ADGRG4: variants seen among roughly 807,000 people sequenced by gnomAD.
The protein encoded by ADGRG4 is adhesion G protein-coupled receptor G4.
Under a neutral mutation model 126.2 loss-of-function variants are expected in ADGRG4, and 122 were observed. That is an observed-to-expected ratio of 0.97 (90% CI 0.83 to 1.12). The LOEUF (loss-of-function observed/expected upper bound fraction) is 1.12, where lower values mean the gene tolerates loss of function less well. ADGRG4 is among the 50% of genes most tolerant of loss of function. The probability of loss-of-function intolerance (pLI) is 0.00; values close to 1 mark genes in which losing one functional copy is unlikely to be tolerated. For missense variants in ADGRG4, 2,481 were observed against 2,251.8 expected, an observed-to-expected ratio of 1.10 and a Z score of -2.06; for synonymous variants, 943 against 838.7, an observed-to-expected ratio of 1.12 and a Z score of -2.15.
intron 15 of ADGRG4, among the ~76,000 whole-genome samples, chrX:136,374,722 A>T (rs1247999088): frequency 1.8e-5 from 2 of 111,393 alleles, no homozygotes; most frequent in Non-Finnish European, 3.8e-5. Context: ...GAGCTACCTC[A>T]CCCGGCCTGT....
intron 16 of ADGRG4, among the ~76,000 whole-genome samples, chrX:136,390,342 G>A (rs960627404): frequency 5.4e-5 from 6 of 111,586 alleles, no homozygotes; most frequent in East Asian, 5.6e-4. Flanking sequence ...ATGAGCCACC[G>A]TGCCTGGTCC....
intron 25 of ADGRG4, among the ~76,000 whole-genome samples, chrX:136,414,873 T>C (rs2081121178): frequency 8.9e-6 from 1 of 112,264 alleles, no homozygotes; most frequent in African/African-American, 3.2e-5. Context: ...CACATCACTC[T>C]TAGATGCTGA....
chrX:136,383,395 A>T (rs1160210823), intron 15 of ADGRG4, among the ~76,000 whole-genome samples: 1 of 111,946 alleles, frequency 8.9e-6, no homozygotes, highest in Non-Finnish European at 1.9e-5. Context: ...ATTTATCATT[A>T]TTAAATACCC....
intron 1 of ADGRG4, among the ~76,000 whole-genome samples, chrX:136,303,673 A>T (rs961156387): frequency 1.8e-5 from 2 of 111,916 alleles, no homozygotes; most frequent in Non-Finnish European, 3.8e-5. Context: ...TTGGCAATCA[A>T]ATGTAAGTAA....
chrX:136,329,711 C>T (rs1256578054), intron 5 of ADGRG4, among the ~76,000 whole-genome samples: 1 of 106,697 alleles, frequency 9.4e-6, no homozygotes, highest in African/African-American at 3.4e-5. Context: ...ACTCTGTCGC[C>T]CAGGATGTAG....
At position 136,350,395 on chromosome X, in the gene ADGRG4, C is replaced by T. The variant is rs909108309; in HGVS notation, c.6689C>T (p.Thr2230Met). 21 of 1,207,189 alleles carry T rather than the reference C, an allele frequency of 1.7e-5. No individual in the cohort carries two copies. Among genetic ancestry groups the T allele is most frequent in the Admixed American group, 1.5e-4 (7 of 45,582 alleles). The change falls in exon 6 of 26, where the codon ACG (threonine) becomes ATG (methionine). Residue 2230 changes from threonine (T) to methionine (M), a missense_variant. Thr to Met is a moderately conservative substitution (Grantham distance 81, BLOSUM62 -1). Coordinates refer to ENST00000394143, the MANE Select transcript of ADGRG4 (RefSeq NM_153834.4). ...WLDSTPSFLSTEASTSPTATK... is the reference protein window; with the variant it reads ...WLDSTPSFLSMEASTSPTATK... ...GACTCCACACCTTCCTTTCTATCTA[C>T]GGAAGCATCGACTTCGCCTACTGCC...
chrX:136,369,818 T>C (rs1043419825), intron 13 of ADGRG4, among the ~76,000 whole-genome samples: 3 of 112,060 alleles, frequency 2.7e-5, no homozygotes, highest in Non-Finnish European at 5.6e-5. Flanking sequence ...TCCCATCTCC[T>C]CAGGGAGAAC....
At chrX:136,369,751 C>T (rs1166839221) in intron 13 of ADGRG4, among the ~76,000 whole-genome samples, 1 of 112,166 alleles carries the variant, frequency 8.9e-6, no homozygotes, top group Non-Finnish European at 1.9e-5. Flanking sequence ...TAGATGTTAA[C>T]TGGGACAAAA....
intron 14 of ADGRG4, among the ~76,000 whole-genome samples, chrX:136,372,310 G>T (rs1489032012): frequency 9.0e-6 from 1 of 111,337 alleles, no homozygotes; most frequent in Non-Finnish European, 1.9e-5. Flanking sequence ...TATTTTGGTG[G>T]AATTCTTTTA....
At chrX:136,358,224 A>G (rs1444241887) in intron 10 of ADGRG4, among the ~76,000 whole-genome samples, 1 of 110,734 alleles carries the variant, frequency 9.0e-6, no homozygotes, top group African/African-American at 3.3e-5. Flanking sequence ...GAAATGGAGT[A>G]GAGGGTCTGT....
chrX:136,344,729 A>T lies in ADGRG4; in HGVS notation c.1023A>T (p.Lys341Asn), dbSNP rs987910328. ...TAGACAATACTACCAATTCCATGAA[A>T]AAAACGAAATCTCCATCTTCAGAAA... is the stretch of plus-strand genomic sequence containing the variant. ...ISIDNTTNSM[K>N]KTKSPSSEST... Residue 341 changes from lysine (K) to asparagine (N), a missense_variant, in exon 6 of 26, where the codon AAA (lysine) becomes AAT (asparagine). Transcript: ENST00000394143. 1.7e-6 allele frequency: 2 copies of T among 1,208,340 alleles called. No individual in the cohort carries two copies. Among genetic ancestry groups the T allele is most frequent in the African/African-American group, 3.5e-5 (2 of 57,136 alleles).
chrX:136,377,842 GTT>G (rs80099479), intron 15 of ADGRG4, among the ~76,000 whole-genome samples: 5 of 96,355 alleles, frequency 5.2e-5, no homozygotes, highest in Non-Finnish European at 8.3e-5. Flanking sequence ...TTCCTATACT[GTT>G]TTTTTTTTTT....
rs751619956 is a variant in ADGRG4 at position 136,314,910 on chromosome X, G to A, written c.70+6063G>A. ...AGTAAGGACATCTATTTTTTTGGGT[G>A]AGACATGGGCCTTGAATCCAAGATT... On this transcript the variant is annotated intron_variant, in intron 4 of 25. Transcript: ENST00000394143. Among the ~76,000 whole-genome samples, 10 of 111,741 alleles carry A rather than the reference G, an allele frequency of 8.9e-5. No homozygotes were observed. The East Asian group carries it at 2.8e-3, about 31-fold the overall frequency.
chrX:136,325,132 C>T (rs1414408631), intron 5 of ADGRG4, among the ~76,000 whole-genome samples: 4 of 111,826 alleles, frequency 3.6e-5, no homozygotes, highest in Non-Finnish European at 7.5e-5. Flanking sequence ...TTTTGCATTT[C>T]CCAAAACTTT....
At chrX:136,376,282 T>A (rs2075224766) in intron 15 of ADGRG4, among the ~76,000 whole-genome samples, 1 of 112,382 alleles carries the variant, frequency 8.9e-6, no homozygotes, top group Admixed American at 9.4e-5. Context: ...ACCAATACCA[T>A]GCTGTTTTGG....
At position 136,344,373 on chromosome X, in the gene ADGRG4, T is replaced by C; in HGVS notation, c.686-19T>C. ...CCAAAGCTGAATCCAAAATAACACA[T>C]TCTTTCTGATTTTTTTAGTTGTTCC... is the stretch of plus-strand genomic sequence containing the variant. On this transcript the variant is annotated intron_variant, in intron 5 of 25. Coordinates refer to ENST00000394143, the MANE Select transcript of ADGRG4 (RefSeq NM_153834.4). The C allele has an allele frequency of 9.2e-7, 1 of 1,083,674 alleles. No individual in the cohort carries two copies. The highest frequency in any genetic ancestry group is 2.8e-4 in the Middle Eastern group (1 of 3,598). The allele number at this position is 1,083,674 out of a possible 1,213,427, so 89.3% of individuals were successfully genotyped here. A position where few individuals can be genotyped will look rare whatever the true frequency, so the allele number is the denominator to read the frequency against.
intron 23 of ADGRG4, among the ~76,000 whole-genome samples, chrX:136,406,619 A>C: frequency 8.9e-6 from 1 of 112,546 alleles, no homozygotes; most frequent in East Asian, 2.8e-4. Context: ...TGGCATGAGA[A>C]GTAAAAGCTA....
chrX:136,344,057 T>C (rs959045524), intron 5 of ADGRG4, among the ~76,000 whole-genome samples: 1 of 112,196 alleles, frequency 8.9e-6, no homozygotes, highest in African/African-American at 3.2e-5. Flanking sequence ...TTCTTATAGC[T>C]GTATTTTTCA....
At chrX:136,305,119 C>G (rs190428907) in intron 3 of ADGRG4, 96 bp downstream of exon 3, 1 of 112,193 alleles carries the variant, frequency 8.9e-6, no homozygotes, top group African/African-American at 3.2e-5. Flanking sequence ...GACTCAAACT[C>G]AAGCCTGTCT....
Sources: gnomAD v4.1 joint callset for allele counts (sites outside exome capture counted in the v4.1 genomes callset) on GRCh38, gnomAD v4.1.1 for gene constraint, MANE v1.5 for transcripts, NCBI Gene and HGNC (gene_info 2026-07-23, HGNC 2026-07-21) for gene names.